Variants in PIR observed in about 807,000 individuals in gnomAD.
The protein encoded by PIR is pirin.
Under a neutral mutation model 24.2 loss-of-function variants are expected in PIR, and 22 were observed. The observed-to-expected ratio is 0.91, with a 90% CI of 0.65 to 1.30. PIR has a LOEUF of 1.30. PIR is among the 50% of genes most tolerant of loss of function. The pLI, the probability that PIR is intolerant of heterozygous loss-of-function variation, is 0.00. For synonymous variants in PIR, 80 were observed against 79.6 expected (o/e 1.00, Z -0.03); for missense variants, 220 against 220.3 (o/e 1.00, Z 0.01).
At position 15,432,415 on chromosome X, in the gene PIR, G is replaced by A. The variant is rs777724028; in HGVS notation, c.481-6425C>T. ...ATGCAGAGAGAGAAAATAAAATGAG[G>A]AGAGTAAGGGAAGTCCTCACTAGGG... On this transcript the variant is annotated intron_variant, in intron 5 of 9. Transcript: ENST00000380420. Among the ~76,000 whole-genome samples the A allele has an allele frequency of 2.9e-3, 325 of 112,044 alleles. 1 individual carries two copies. Among genetic ancestry groups the A allele is most frequent in the Non-Finnish European group, 4.2e-3 (222 of 53,145 alleles).
At chrX:15,427,693 T>TACAC (rs58998460) in intron 5 of PIR, among the ~76,000 whole-genome samples, 47 of 103,565 alleles carry the variant, frequency 4.5e-4, no homozygotes, top group Middle Eastern at 5.1e-3. Flanking sequence ...TGACAGTACA[T>TACAC]ACACACACAC....
intron 6 of PIR, among the ~76,000 whole-genome samples, chrX:15,410,585 A>G (rs931712010): frequency 8.9e-6 from 1 of 112,128 alleles, no homozygotes; most frequent in Middle Eastern, 4.2e-3. Context: ...CTAGTCCACA[A>G]ATAATTGCCT....
intron 3 of PIR, among the ~76,000 whole-genome samples, chrX:15,472,391 G>A (rs1921969947): frequency 2.7e-5 from 3 of 111,906 alleles, no homozygotes; most frequent in African/African-American, 9.8e-5. Context: ...GAATAAAGGT[G>A]TAAATGGAAA....
rs771855539 is a variant in PIR, at chrX:15,397,549, C to T, written c.611-18G>A. 9.0e-7 allele frequency: 1 copy of T among 1,115,866 alleles called. No individual in the cohort carries two copies. The highest frequency in any genetic ancestry group is 1.2e-6 in the Non-Finnish European group (1 of 808,293). The allele number at this position is 1,115,866 out of a possible 1,213,427, so 92.0% of individuals were successfully genotyped here. A position where few individuals can be genotyped will look rare whatever the true frequency, so the allele number is the denominator to read the frequency against. The stretch of plus-strand genomic sequence containing the variant: ...ATCGGGCCCTACAAAACCAATGACA[C>T]ACTAATTTAATACCCATTATAGTAC... On this transcript the variant is annotated intron_variant, in intron 7 of 9. Coordinates refer to ENST00000380420, the MANE Select transcript of PIR (RefSeq NM_001018109.3).
intron 3 of PIR, among the ~76,000 whole-genome samples, chrX:15,471,635 A>G (rs905716885): frequency 9.0e-6 from 1 of 111,410 alleles, no homozygotes; most frequent in African/African-American, 3.3e-5. Flanking sequence ...CTTTACCTCC[A>G]CTATCCAGAG....
At chrX:15,435,049 A>G (rs1925705338) in intron 5 of PIR, among the ~76,000 whole-genome samples, 1 of 111,071 alleles carries the variant, frequency 9.0e-6, no homozygotes, top group Non-Finnish European at 1.9e-5. Context: ...CGTCTCTACT[A>G]AAAACACAAA....
intron 5 of PIR, among the ~76,000 whole-genome samples, chrX:15,447,406 G>A (rs965885263): frequency 8.2e-5 from 9 of 110,177 alleles, no homozygotes; most frequent in African/African-American, 2.3e-4. Context: ...GCTCCGCCTC[G>A]CGGGTTCACA....
At chrX:15,449,493 A>G (rs1301845408) in intron 5 of PIR, among the ~76,000 whole-genome samples, 1 of 112,181 alleles carries the variant, frequency 8.9e-6, no homozygotes, top group East Asian at 2.8e-4. Flanking sequence ...AAAAAAATCA[A>G]TGGAAATAAT....
At chrX:15,475,217 C>T (rs894175516) in intron 3 of PIR, among the ~76,000 whole-genome samples, 9 of 110,989 alleles carry the variant, frequency 8.1e-5, no homozygotes, top group Non-Finnish European at 1.7e-4. Context: ...AGGCATTGCA[C>T]GCAAACACTG....
intron 7 of PIR, among the ~76,000 whole-genome samples, chrX:15,398,244 T>TA (rs1258255450): frequency 9.0e-6 from 1 of 111,473 alleles, no homozygotes; most frequent in Non-Finnish European, 1.9e-5. Context: ...CTTAAAGTAT[T>TA]AAAAAAAGAC....
At chrX:15,422,345 C>A (rs780480321) in intron 6 of PIR, among the ~76,000 whole-genome samples, 45 of 99,931 alleles carry the variant, frequency 4.5e-4, no homozygotes, top group Admixed American at 3.7e-3. Flanking sequence ...AAAAAAAAAA[C>A]AAAGGGCATT....
At chrX:15,484,168 T>C (rs1383637332) in intron 2 of PIR, among the ~76,000 whole-genome samples, 1 of 110,874 alleles carries the variant, frequency 9.0e-6, no homozygotes, top group Non-Finnish European at 1.9e-5. Flanking sequence ...TTGGAACTGC[T>C]TAAACTTAAA....
chrX:15,481,507 T>C (rs1483792950), intron 2 of PIR, among the ~76,000 whole-genome samples: 1 of 112,263 alleles, frequency 8.9e-6, no homozygotes, highest in East Asian at 2.8e-4. Flanking sequence ...GAACCATGGT[T>C]ATCCCCATTT....
chrX:15,457,683 T>A (rs1921138412), intron 4 of PIR, among the ~76,000 whole-genome samples: 1 of 111,567 alleles, frequency 9.0e-6, no homozygotes, highest in Non-Finnish European at 1.9e-5. Flanking sequence ...ATGAGCATTA[T>A]TAGTTGAAGG....
rs773208325 is a variant in PIR at position 15,477,361 on chromosome X, A to AGG, written c.189+2367_189+2368insCC. Among the ~76,000 whole-genome samples the AGG allele has an allele frequency of 3.9e-3, 431 of 111,784 alleles. 2 individuals carry two copies. The highest frequency in any genetic ancestry group is 5.8e-3 in the Non-Finnish European group (310 of 53,119). ...TGATCACTGAATTAGAGAATACTAGACCATTGCTCCTAGGATAAATACAGG... is the reference window on the plus strand; with the variant it reads ...TGATCACTGAATTAGAGAATACTAGAGGCCATTGCTCCTAGGATAAATACAGG... On this transcript the variant is annotated intron_variant, in intron 3 of 9. Coordinates refer to ENST00000380420, the MANE Select transcript of PIR (RefSeq NM_001018109.3).
chrX:15,424,095 AT>A (rs1258385349), intron 6 of PIR, among the ~76,000 whole-genome samples: 1 of 112,589 alleles, frequency 8.9e-6, no homozygotes, highest in African/African-American at 3.2e-5. Context: ...AGAAATCAAT[AT>A]ATCAAAGAAA....
chrX:15,430,284 G>C (rs1295259207), intron 5 of PIR, among the ~76,000 whole-genome samples: 1 of 110,751 alleles, frequency 9.0e-6, no homozygotes, highest in East Asian at 2.8e-4. Context: ...AAAATCCAAA[G>C]CTCTTCCCCT....
At position 15,493,286 on chromosome X, in the gene PIR, A is replaced by C. The variant is rs1438215824; in HGVS notation, c.-149T>G. On this transcript the variant is annotated 5_prime_UTR_variant, in exon 1 of 10. Coordinates refer to ENST00000380420, the MANE Select transcript of PIR (RefSeq NM_001018109.3). ...GGGCAGGTTAAGAGAGTGTGGGTCC[A>C]GTAGCCTCACCGTGACTCAGCGCTT... 9.0e-6 allele frequency: 1 copy of C among 111,636 alleles called. No individual in the cohort carries two copies. The highest frequency in any genetic ancestry group is 1.9e-5 in the Non-Finnish European group (1 of 52,959). The allele number at this position is 111,636 out of a possible 1,213,427, so 9.2% of individuals were successfully genotyped here. A position where few individuals can be genotyped will look rare whatever the true frequency, so the allele number is the denominator to read the frequency against.
intron 6 of PIR, among the ~76,000 whole-genome samples, chrX:15,420,176 G>A (rs754483096): frequency 2.7e-5 from 3 of 111,845 alleles, no homozygotes; most frequent in South Asian, 3.7e-4. Context: ...CAGCCTGGGC[G>A]ACAGAGCAAG....
Sources: gnomAD v4.1 joint callset for allele counts (sites outside exome capture counted in the v4.1 genomes callset) on GRCh38, gnomAD v4.1.1 for gene constraint, MANE v1.5 for transcripts, NCBI Gene and HGNC (gene_info 2026-07-23, HGNC 2026-07-21) for gene names.